KCTD21: variants seen among roughly 807,000 people sequenced by gnomAD.
KCTD21 encodes potassium channel tetramerization domain containing 21.
Under a neutral mutation model 13.2 loss-of-function variants are expected in KCTD21, and 9 were observed. That is an observed-to-expected ratio of 0.68 (90% CI 0.41 to 1.19). The LOEUF is 1.19. KCTD21 is among the 50% of genes most tolerant of loss of function. The probability of loss-of-function intolerance (pLI) is 0.01; values close to 1 mark genes in which losing one functional copy is unlikely to be tolerated. For missense variants in KCTD21, 303 were observed against 336.5 expected (o/e 0.90, Z 0.78); for synonymous variants, 142 against 137.4 (o/e 1.03, Z -0.23).
At position 78,174,396 on chromosome 11, in the gene KCTD21, G is replaced by C. The variant is rs778315544; in HGVS notation, c.159C>G (p.Gly53=). 2 of 1,614,068 alleles carry C rather than the reference G, an allele frequency of 1.2e-6. No homozygotes were observed. Among genetic ancestry groups the C allele is most frequent in the Admixed American group, 3.3e-5 (2 of 60,020 alleles). ...SQGNCFIDRD[G]KVFRYILNFL... is the part of the protein sequence containing the mutation. ...AGTTGAGGATATAGCGGAACACTTT[G>C]CCGTCACGGTCAATGAAGCAGTTGC... The change falls in exon 2 of 2, where the codon GGC becomes GGG. Residue 53 remains glycine, a synonymous_variant. Transcript: ENST00000340067.
In KCTD21 at chr11:78,174,162, G is replaced by C. The variant is rs1565381384; in HGVS notation, c.393C>G (p.Pro131=). Residue 131 remains proline (P), a synonymous_variant, in exon 2 of 2, where the codon CCC becomes CCG. Coordinates refer to ENST00000340067, the MANE Select transcript of KCTD21 (RefSeq NM_001029859.3). ...TGGAAGAGGAGAGGCTGTAGATCTG[G>C]GGTGCCTCGCGCACAGTGAAGTGGA... The part of the protein sequence containing the change: ...QTVHFTVREA[P]QIYSLSSSSM... The C allele has an allele frequency of 4.3e-6, 7 of 1,614,072 alleles. No homozygotes were observed. In the South Asian group the frequency reaches 6.6e-5, roughly 15 times the overall value.
rs759054218 is a variant in KCTD21 at position 78,174,836 on chromosome 11, C to T, written c.-29-253G>A. The T allele has an allele frequency of 1.6e-4, 55 of 347,060 alleles. 1 individual carries two copies. In the East Asian group the frequency reaches 2.3e-3, roughly 14 times the overall value. The allele number at this position is 347,060 out of a possible 1,614,324, so 21.5% of individuals were successfully genotyped here. ...AAGGACCCCTAAAGCCTGGGTCCCC[C>T]GCGCCCCCCTCTGCTGCCGACATTC... On this transcript the variant is annotated intron_variant, in intron 1 of 1. Coordinates refer to ENST00000340067, the MANE Select transcript of KCTD21 (RefSeq NM_001029859.3).
intron 1 of KCTD21, chr11:78,186,589 C>T: frequency 1.9e-6 from 1 of 521,644 alleles, no homozygotes; most frequent in Non-Finnish European, 2.5e-6. Flanking sequence ...TAATGGCTAA[C>T]GTTTATTGAG....
chr11:78,187,093 G>A, intron 1 of KCTD21: 1 of 985,434 alleles, frequency 1.0e-6, no homozygotes, highest in Non-Finnish European at 1.2e-6. Flanking sequence ...GTAAATGCAA[G>A]GAGAGTTTCC....
At chr11:78,186,403 A>AAAAAG (rs1862771824) in intron 1 of KCTD21, among the ~76,000 whole-genome samples, 1 of 136,626 alleles carries the variant, frequency 7.3e-6, no homozygotes, top group Non-Finnish European at 1.6e-5. Context: ...AAAAAAAAAA[A>AAAAAG]AAAAGAAAAG....
chr11:78,173,845 C>T lies in KCTD21; in HGVS notation c.710G>A (p.Cys237Tyr). ...VLKIALSDGF[C>Y]IDSSHPHALD... ...AGCATGTGGGTGAGAAGAATCGATGCAGAAGCCATCGCTCAGAGCGATTTT... is the reference window on the plus strand; with the variant it reads ...AGCATGTGGGTGAGAAGAATCGATGTAGAAGCCATCGCTCAGAGCGATTTT... Residue 237 changes from cysteine (C) to tyrosine (Y), a missense_variant, in exon 2 of 2, where the codon TGC becomes TAC. Transcript: ENST00000340067. 6.2e-7 allele frequency: 1 copy of T among 1,614,154 alleles called. No individual in the cohort carries two copies. Among genetic ancestry groups the T allele is most frequent in the Non-Finnish European group, 8.5e-7 (1 of 1,180,028 alleles).
intron 1 of KCTD21, chr11:78,186,862 TAAGTAG>T (rs1862792010): frequency 1.0e-6 from 1 of 985,342 alleles, no homozygotes; most frequent in South Asian, 4.7e-5. Flanking sequence ...CAACTTTACT[TAAGTAG>T]ATGGATGCCT....
intron 1 of KCTD21, chr11:78,175,330 A>AAG (rs1294802112): frequency 6.6e-6 from 1 of 151,010 alleles, no homozygotes; most frequent in African/African-American, 2.5e-5. Flanking sequence ...TCTCAAAAAA[A>AAG]AAAAAAAAAA....
intron 1 of KCTD21, chr11:78,188,272 GC>G: frequency 1.1e-6 from 1 of 924,840 alleles, no homozygotes; most frequent in Middle Eastern, 5.5e-4. Context: ...GCCTCTCCTT[GC>G]CCCACCCACC....
intron 1 of KCTD21, among the ~76,000 whole-genome samples, chr11:78,184,274 C>A (rs1180854354): frequency 6.6e-6 from 1 of 152,192 alleles, no homozygotes; most frequent in Non-Finnish European, 1.5e-5. Context: ...TTAAATCTAA[C>A]CCCAATCTAA....
At chr11:78,179,890 G>A (rs1862564742) in intron 1 of KCTD21, among the ~76,000 whole-genome samples, 1 of 152,134 alleles carries the variant, frequency 6.6e-6, no homozygotes, top group Non-Finnish European at 1.5e-5. Context: ...TCCTCTCAGG[G>A]CTTCCTGGTG....
At position 78,181,987 on chromosome 11, in the gene KCTD21, AT is replaced by A. The variant is rs1205373422; in HGVS notation, c.-30+6585del. ...TCTTCATACTGTGGCTGACAAAACA[AT>A]TTTTTTTGGAAACCACTGCCTAGTT... On this transcript the variant is annotated intron_variant, in intron 1 of 1. Transcript: ENST00000340067. Among the ~76,000 whole-genome samples the A allele has an allele frequency of 1.2e-4, 19 of 152,138 alleles. No individual in the cohort carries two copies. In the South Asian group the frequency reaches 3.7e-3, roughly 30 times the overall value.
chr11:78,175,731 A>T (rs113867727), intron 1 of KCTD21, among the ~76,000 whole-genome samples: 7,956 of 152,066 alleles, frequency 0.052, 289 homozygotes, highest in Non-Finnish European at 0.081. Context: ...TTTTTTTTAA[A>T]TTTTTTTAAA....
At chr11:78,181,942 C>T (rs1436507502) in intron 1 of KCTD21, among the ~76,000 whole-genome samples, 1 of 152,162 alleles carries the variant, frequency 6.6e-6, no homozygotes, top group African/African-American at 2.4e-5. Context: ...AGTTGTGTGT[C>T]TATGAACTGG....
chr11:78,174,565 T>G lies in KCTD21; in HGVS notation c.-11A>C. ...GATGGGGTCGGACATGGCAGGAGACTGGGTTGCTGGAAGTAGTCCTGGAGA... is the reference window on the plus strand; with the variant it reads ...GATGGGGTCGGACATGGCAGGAGACGGGGTTGCTGGAAGTAGTCCTGGAGA... On this transcript the variant is annotated 5_prime_UTR_variant, in exon 2 of 2. Coordinates refer to ENST00000340067, the MANE Select transcript of KCTD21 (RefSeq NM_001029859.3). 6.2e-7 allele frequency: 1 copy of G among 1,601,534 alleles called. No individual in the cohort carries two copies. Among genetic ancestry groups the G allele is most frequent in the Non-Finnish European group, 8.5e-7 (1 of 1,173,462 alleles).
At chr11:78,174,858 A>G (rs1227579505) in intron 1 of KCTD21, 1 of 303,630 alleles carries the variant, frequency 3.3e-6, no homozygotes, top group Non-Finnish European at 6.1e-6. Context: ...TGCTGCCGAC[A>G]TTCTATTTTA....
At chr11:78,182,246 T>C (rs523235) in intron 1 of KCTD21, among the ~76,000 whole-genome samples, 24,046 of 151,908 alleles carry the variant, frequency 0.16, 2,038 homozygotes, top group African/African-American at 0.2. Flanking sequence ...GAGCCAAGAC[T>C]GTGCCACTGC....
chr11:78,179,552 G>T (rs981456484), intron 1 of KCTD21, among the ~76,000 whole-genome samples: 1 of 151,948 alleles, frequency 6.6e-6, no homozygotes, highest in Non-Finnish European at 1.5e-5. Flanking sequence ...CAGAGCTCAG[G>T]CCTCATCCCT....
intron 1 of KCTD21, among the ~76,000 whole-genome samples, chr11:78,185,684 C>G (rs1469369889): frequency 6.6e-6 from 1 of 152,042 alleles, no homozygotes; most frequent in Non-Finnish European, 1.5e-5. Flanking sequence ...CTCTGCCTCC[C>G]AGGTTCAAGT....
Sources: gnomAD v4.1 joint callset for allele counts (sites outside exome capture counted in the v4.1 genomes callset) on GRCh38, gnomAD v4.1.1 for gene constraint, MANE v1.5 for transcripts, NCBI Gene and HGNC (gene_info 2026-07-23, HGNC 2026-07-21) for gene names.